SMG6: variants seen among roughly 807,000 people sequenced by gnomAD.
SMG6 encodes telomerase-binding protein EST1A.
SMG6 carries 66 observed loss-of-function variants against 142.2 expected under a neutral mutation model. That is an observed-to-expected ratio of 0.46 (90% CI 0.38 to 0.57). The LOEUF is 0.57. SMG6 is among the 20% of genes least tolerant of loss of function. SMG6 has a pLI of 0.00. For missense variants in SMG6, 1,793 were observed against 1,832.0 expected (o/e 0.98, Z 0.39); for synonymous variants, 779 against 702.4 (o/e 1.11, Z -1.72).
intron 13 of SMG6, among the ~76,000 whole-genome samples, chr17:2,105,578 C>T (rs2069134913): frequency 6.6e-6 from 1 of 151,940 alleles, no homozygotes; most frequent in African/African-American, 2.4e-5. Flanking sequence ...ATAACACTTG[C>T]CCAGACTCAG....
chr17:2,170,753 G>A (rs2071478962), intron 13 of SMG6, among the ~76,000 whole-genome samples: 1 of 152,146 alleles, frequency 6.6e-6, no homozygotes, highest in Admixed American at 6.5e-5. Flanking sequence ...TCAATGTCTA[G>A]AACCTTAATC....
At chr17:2,211,101 T>TAAAAAAAAAAAAAAAAAAAAAAA (rs56893397) in intron 10 of SMG6, among the ~76,000 whole-genome samples, 1 of 141,160 alleles carries the variant, frequency 7.1e-6, no homozygotes, top group Non-Finnish European at 1.5e-5. Flanking sequence ...TGGATTTTAT[T>TAAAAAAAAAAAAAAAAAAAAAAA]AAAAAAAAAA....
intron 8 of SMG6, among the ~76,000 whole-genome samples, chr17:2,271,814 A>T (rs1332884043): frequency 6.6e-6 from 1 of 152,220 alleles, no homozygotes; most frequent in Admixed American, 6.5e-5. Context: ...AATTTCCTCC[A>T]ACTACCAAGA....
At chr17:2,280,143 T>G (rs1309546821) in intron 8 of SMG6, among the ~76,000 whole-genome samples, 3 of 152,178 alleles carry the variant, frequency 2.0e-5, no homozygotes, top group Non-Finnish European at 4.4e-5. Context: ...GCTAAGCTCT[T>G]GGGACCTACT....
intron 13 of SMG6, among the ~76,000 whole-genome samples, chr17:2,110,081 CAAAAAA>C (rs57135671): frequency 6.8e-5 from 6 of 87,916 alleles, no homozygotes; most frequent in African/African-American, 1.5e-4. Flanking sequence ...GATTCCATCT[CAAAAAA>C]AAAAAAAAAA....
intron 4 of SMG6, among the ~76,000 whole-genome samples, chr17:2,295,142 G>C (rs776165308): frequency 1.1e-4 from 16 of 152,020 alleles, no homozygotes; most frequent in Non-Finnish European, 1.5e-4. Context: ...CCTCCCAAAG[G>C]GCTGGGATTA....
At chr17:2,253,818 T>C (rs1474521235) in intron 8 of SMG6, among the ~76,000 whole-genome samples, 1 of 152,186 alleles carries the variant, frequency 6.6e-6, no homozygotes, top group Non-Finnish European at 1.5e-5. Flanking sequence ...ACTCCTGCTC[T>C]CGGACAGTCA....
At chr17:2,112,278 G>A (rs979070308) in intron 13 of SMG6, among the ~76,000 whole-genome samples, 4 of 151,884 alleles carry the variant, frequency 2.6e-5, no homozygotes, top group Non-Finnish European at 5.9e-5. Context: ...GCTGAGGCGG[G>A]TGGATCACGA....
chr17:2,264,449 CA>C (rs1433782217), intron 8 of SMG6, among the ~76,000 whole-genome samples: 1 of 152,226 alleles, frequency 6.6e-6, no homozygotes, highest in Non-Finnish European at 1.5e-5. Context: ...CCACAGACCT[CA>C]AAATCATCTG....
At chr17:2,125,067 T>C (rs2069828190) in intron 13 of SMG6, among the ~76,000 whole-genome samples, 2 of 152,152 alleles carry the variant, frequency 1.3e-5, no homozygotes, top group Non-Finnish European at 2.9e-5. Flanking sequence ...TCTATGGAAA[T>C]AGGAAGAGGC....
intron 10 of SMG6, chr17:2,236,215 CT>C: frequency 4.0e-6 from 1 of 252,710 alleles, no homozygotes; most frequent in Non-Finnish European, 7.6e-6. Flanking sequence ...TTGCTGCTGC[CT>C]TTCGCGTGGC....
chr17:2,160,430 G>A (rs940054753), intron 13 of SMG6, among the ~76,000 whole-genome samples: 2 of 152,098 alleles, frequency 1.3e-5, no homozygotes, highest in African/African-American at 4.8e-5. Context: ...TACTGCCCAG[G>A]CTAGTCTCGA....
chr17:2,171,588 G>A (rs2071504381), intron 13 of SMG6, among the ~76,000 whole-genome samples: 1 of 151,862 alleles, frequency 6.6e-6, no homozygotes, highest in Non-Finnish European at 1.5e-5. Flanking sequence ...TGCCAGGGAT[G>A]GTCTCAAACT....
chr17:2,152,518 C>T (rs2070857935), intron 13 of SMG6, among the ~76,000 whole-genome samples: 1 of 151,992 alleles, frequency 6.6e-6, no homozygotes, highest in South Asian at 2.1e-4. Context: ...GAAAATAATC[C>T]GATTTAACAA....
At chr17:2,288,343 G>A (rs1467449657) in intron 6 of SMG6, among the ~76,000 whole-genome samples, 3 of 151,704 alleles carry the variant, frequency 2.0e-5, no homozygotes, top group African/African-American at 7.3e-5. Context: ...AGACAGCCCG[G>A]GAGTGGTGGC....
intron 13 of SMG6, among the ~76,000 whole-genome samples, chr17:2,118,439 T>C (rs1468077156): frequency 6.6e-6 from 1 of 152,154 alleles, no homozygotes; most frequent in Non-Finnish European, 1.5e-5. Context: ...CTCAGGAGGC[T>C]GAGGCACGAG....
intron 10 of SMG6, chr17:2,229,467 G>A (rs1424652722): frequency 2.0e-5 from 3 of 152,226 alleles, no homozygotes; most frequent in Non-Finnish European, 4.4e-5. Context: ...GATATCAAAG[G>A]ATGGACACTT....
Position 2,303,700 on chromosome 17 carries a change from A to G in SMG6, c.21T>C (p.Arg7=). 1 of 1,496,870 alleles carries G rather than the reference A, an allele frequency of 6.7e-7. No homozygotes were observed. Among genetic ancestry groups the G allele is most frequent in the Non-Finnish European group, 8.9e-7 (1 of 1,129,440 alleles). 92.7% of individuals were successfully genotyped at this position (1,496,870 alleles called of 1,614,324 possible). A position where few individuals can be genotyped will look rare whatever the true frequency, so the allele number is the denominator to read the frequency against. MAEGLE[R]VRISASELRG... ...GCAGCTCCGACGCGGAGATCCGCAC[A>G]CGCTCCAGCCCTTCCGCCATCTTCG... Residue 7 remains arginine (R), a synonymous_variant, in exon 1 of 19, where the codon CGT becomes CGC. Coordinates refer to ENST00000263073, the MANE Select transcript of SMG6 (RefSeq NM_017575.5).
At chr17:2,104,095 G>A (rs1281566470) in intron 13 of SMG6, among the ~76,000 whole-genome samples, 1 of 152,038 alleles carries the variant, frequency 6.6e-6, no homozygotes, top group African/African-American at 2.4e-5. Flanking sequence ...GGGACTACAG[G>A]CGCCCACCAC....
Sources: allele counts gnomAD v4.1 joint callset (sites outside exome capture counted in the v4.1 genomes callset), GRCh38; gene constraint gnomAD v4.1.1; transcripts MANE v1.5; gene names NCBI Gene and HGNC (gene_info 2026-07-23, HGNC 2026-07-21).